Variants in METTL15 observed in about 807,000 individuals in gnomAD.
The protein encoded by METTL15 is 12S rRNA N(4)-cytidine methyltransferase METTL15.
METTL15 carries 34 observed loss-of-function variants against 38.3 expected under a neutral mutation model. The observed-to-expected ratio is 0.89, with a 90% confidence interval of 0.68 to 1.18. The LOEUF (loss-of-function observed/expected upper bound fraction) is 1.18, where lower values mean the gene tolerates loss of function less well. Ranked by LOEUF, METTL15 falls within the 50% of genes most tolerant of loss-of-function variation. The pLI is 0.00. For missense variants in METTL15, 438 were observed against 498.4 expected (o/e 0.88, Z 1.15); for synonymous variants, 162 against 170.9 (o/e 0.95, Z 0.41).
At chr11:28,490,302 C>A (rs1851483904) in intron 6 of METTL15, among the ~76,000 whole-genome samples, 2 of 152,124 alleles carry the variant, frequency 1.3e-5, no homozygotes, top group Admixed American at 1.3e-4. Flanking sequence ...TTCATCTGCA[C>A]CCAATGATCA....
intron 3 of METTL15, among the ~76,000 whole-genome samples, chr11:28,172,060 C>T (rs1482502084): frequency 1.3e-5 from 2 of 152,242 alleles, no homozygotes; most frequent in Middle Eastern, 3.4e-3. Flanking sequence ...CTCAGCCTTC[C>T]GAAGTGTTGG....
chr11:28,350,883 C>T (rs1222471532), intron 3 of METTL15, among the ~76,000 whole-genome samples: 1 of 152,120 alleles, frequency 6.6e-6, no homozygotes, highest in Non-Finnish European at 1.5e-5. Flanking sequence ...ACATTCTTTA[C>T]CTTAACTATT....
At chr11:28,404,211 A>G (rs914320872) in intron 5 of METTL15, among the ~76,000 whole-genome samples, 2 of 152,134 alleles carry the variant, frequency 1.3e-5, no homozygotes, top group Non-Finnish European at 2.9e-5. Flanking sequence ...ATGTGCCCAT[A>G]TAAAAAGAAA....
intron 3 of METTL15, among the ~76,000 whole-genome samples, chr11:28,116,102 G>T (rs1851944000): frequency 6.6e-6 from 1 of 151,738 alleles, no homozygotes; most frequent in Admixed American, 6.6e-5. Flanking sequence ...TCATAATCTA[G>T]ATATTTAATT....
At chr11:28,190,186 C>T (rs1033987903) in intron 3 of METTL15, among the ~76,000 whole-genome samples, 2 of 151,160 alleles carry the variant, frequency 1.3e-5, no homozygotes, top group Non-Finnish European at 3.0e-5. Flanking sequence ...AATAGTTCTT[C>T]TCTTGCTTGT....
chr11:28,261,909 A>G (rs1434158529), intron 4 of METTL15, among the ~76,000 whole-genome samples: 4 of 152,162 alleles, frequency 2.6e-5, no homozygotes, highest in African/African-American at 4.8e-5. Flanking sequence ...ATAGACCACT[A>G]TTGCTGTCTA....
intron 5 of METTL15, among the ~76,000 whole-genome samples, chr11:28,391,684 TG>T (rs1168246720): frequency 2.0e-5 from 3 of 152,076 alleles, no homozygotes; most frequent in Admixed American, 2.0e-4. Flanking sequence ...ATCTGATCTT[TG>T]GCAAACCTGA....
At chr11:28,222,160 A>G (rs138463644) in intron 4 of METTL15, among the ~76,000 whole-genome samples, 2,568 of 152,286 alleles carry the variant, frequency 0.017, 48 homozygotes, top group Middle Eastern at 0.037. Flanking sequence ...GGTGGAGCCT[A>G]CAGAGGCAGG....
chr11:28,217,747 G>C (rs1157303677), intron 4 of METTL15, among the ~76,000 whole-genome samples: 3 of 152,172 alleles, frequency 2.0e-5, no homozygotes, highest in Non-Finnish European at 4.4e-5. Context: ...GAGGTGTAAG[G>C]AAGGGATCCA....
intron 3 of METTL15, among the ~76,000 whole-genome samples, chr11:28,152,943 G>A (rs1178993020): frequency 6.6e-6 from 1 of 152,050 alleles, no homozygotes; most frequent in African/African-American, 2.4e-5. Context: ...CCCCTTTTTA[G>A]ACCATATAGG....
rs146835422 is a variant in METTL15, at chr11:28,469,954, A to G, written c.*424+45590A>G. Among the ~76,000 whole-genome samples, 21 of 152,286 alleles carry G rather than the reference A, an allele frequency of 1.4e-4. No homozygotes were observed. The East Asian group carries it at 3.9e-3, about 28-fold the overall frequency. ...AAATGTCAGGCTTATGAATATATTC[A>G]TGAATATATTCTAACTTACCTGTTA... On this transcript the variant is annotated intron_variant and NMD_transcript_variant, in intron 6 of 7. Transcript: ENST00000532947.
chr11:28,213,602 A>G (rs1409243240), intron 4 of METTL15, among the ~76,000 whole-genome samples: 1 of 150,060 alleles, frequency 6.7e-6, no homozygotes, highest in Non-Finnish European at 1.5e-5. Flanking sequence ...ATGGATTTGC[A>G]GTTATCTAAT....
intron 4 of METTL15, among the ~76,000 whole-genome samples, chr11:28,287,011 A>G (rs1031183307): frequency 1.3e-5 from 1 of 76,292 alleles, no homozygotes; most frequent in African/African-American, 7.7e-5. Flanking sequence ...TCTCCACACT[A>G]TATATATATA....
intron 3 of METTL15, among the ~76,000 whole-genome samples, chr11:28,174,830 A>AC (rs71050947): frequency 3.6e-5 from 5 of 138,542 alleles, no homozygotes; most frequent in Non-Finnish European, 8.0e-5. Flanking sequence ...AAAAAAAAAA[A>AC]CATAAAAAAG....
chr11:28,478,265 A>G (rs1048104704), intron 6 of METTL15, among the ~76,000 whole-genome samples: 1 of 152,176 alleles, frequency 6.6e-6, no homozygotes, highest in Non-Finnish European at 1.5e-5. Context: ...AATGTTGACC[A>G]TGCTGTTTTT....
intron 6 of METTL15, among the ~76,000 whole-genome samples, chr11:28,491,911 C>A (rs1436725503): frequency 6.6e-6 from 1 of 152,258 alleles, no homozygotes; most frequent in Middle Eastern, 3.4e-3. Context: ...CCCCGATAAT[C>A]TACCTTAGTT....
intron 3 of METTL15, among the ~76,000 whole-genome samples, chr11:28,188,827 G>T (rs1054482087): frequency 6.6e-6 from 1 of 151,090 alleles, no homozygotes; most frequent in Non-Finnish European, 1.5e-5. Context: ...TCTTATACTG[G>T]AAAGTGTCAT....
chr11:28,409,286 G>A (rs948425227), intron 5 of METTL15, among the ~76,000 whole-genome samples: 4 of 148,352 alleles, frequency 2.7e-5, no homozygotes, highest in Non-Finnish European at 4.4e-5. Flanking sequence ...GGAGGCTGAG[G>A]CAGGAGAATG....
intron 3 of METTL15, among the ~76,000 whole-genome samples, chr11:28,126,711 G>A (rs1393238209): frequency 6.6e-6 from 1 of 152,106 alleles, no homozygotes. Context: ...CAGGTACAAT[G>A]CACTTAGTAC....
Sources: allele counts gnomAD v4.1 joint callset (sites outside exome capture counted in the v4.1 genomes callset), GRCh38; gene constraint gnomAD v4.1.1; transcripts MANE v1.5; gene names NCBI Gene and HGNC (gene_info 2026-07-23, HGNC 2026-07-21).